PARVB: variants seen among roughly 807,000 people sequenced by gnomAD.
PARVB encodes the protein beta-parvin.
In PARVB, 46 loss-of-function variants were observed where a neutral mutation model predicts 47.0. The observed-to-expected ratio is 0.98, with a 90% CI of 0.77 to 1.25. The LOEUF is 1.25. Among genes scored for constraint, PARVB ranks in the 50% most tolerant of loss-of-function variants. The pLI, the probability that PARVB is intolerant of heterozygous loss-of-function variation, is 0.00. For synonymous variants in PARVB, 196 were observed against 196.3 expected, an observed-to-expected ratio of 1.00 and a Z score of 0.01; for missense variants, 473 against 471.6, an observed-to-expected ratio of 1.00 and a Z score of -0.03.
chr22:44,041,780 G>A (rs1011596424), intron 1 of PARVB, among the ~76,000 whole-genome samples: 1 of 152,110 alleles, frequency 6.6e-6, no homozygotes, highest in Non-Finnish European at 1.5e-5. Context: ...CAGCTACCCC[G>A]GAGGCTGAGG....
intron 1 of PARVB, among the ~76,000 whole-genome samples, chr22:44,034,742 G>A (rs577003813): frequency 2.4e-4 from 31 of 128,058 alleles, no homozygotes; most frequent in Admixed American, 2.0e-3. Context: ...ACGGAGTTTC[G>A]CTCTTGTCAC....
At chr22:44,040,003 C>A in intron 1 of PARVB, 1 of 352,306 alleles carries the variant, frequency 2.8e-6, no homozygotes, top group Non-Finnish European at 5.8e-6. Flanking sequence ...CAATGTTCTA[C>A]AGCAGACAGA....
Position 44,133,438 on chromosome 22 carries a change from C to G in PARVB, c.633+429C>G, listed in dbSNP as rs535685556. Among the ~76,000 whole-genome samples, 4 of 152,350 alleles carry G rather than the reference C, an allele frequency of 2.6e-5. No individual in the cohort carries two copies. In the East Asian group the frequency reaches 7.7e-4, roughly 29 times the overall value. Reference sequence around the variant, plus strand: ...ATCATCTCTTTTTTTGGGTTCATTTCTCTTGATTCACTTGGAGAAATGGAA... The same window carrying G: ...ATCATCTCTTTTTTTGGGTTCATTTGTCTTGATTCACTTGGAGAAATGGAA... On this transcript the variant is annotated intron_variant, in intron 6 of 12. Coordinates refer to ENST00000338758, the MANE Select transcript of PARVB (RefSeq NM_013327.5).
intron 3 of PARVB, chr22:44,104,298 C>G (rs1010350477): frequency 6.6e-6 from 1 of 152,216 alleles, no homozygotes; most frequent in Non-Finnish European, 1.5e-5. Context: ...AGACATTTTC[C>G]ACTCTTGATC....
At chr22:44,115,957 T>TGC in intron 3 of PARVB, 1 of 152,482 alleles carries the variant, frequency 6.6e-6, no homozygotes, top group African/African-American at 2.4e-5. Flanking sequence ...CCAACACAGA[T>TGC]ACATTGTTAC....
intron 7 of PARVB, among the ~76,000 whole-genome samples, chr22:44,138,801 G>A (rs1176631301): frequency 1.3e-5 from 2 of 152,172 alleles, no homozygotes; most frequent in African/African-American, 4.8e-5. Flanking sequence ...TATGAGGTCT[G>A]TCACTCCCAG....
chr22:44,143,894 C>T (rs1015408021), intron 8 of PARVB: 3 of 152,378 alleles, frequency 2.0e-5, no homozygotes, highest in African/African-American at 4.8e-5. Context: ...TCACTCTCTT[C>T]CCCCTCATTG....
chr22:44,116,013 T>C (rs72619560), intron 3 of PARVB: 51,105 of 148,892 alleles, frequency 0.34, 9,270 homozygotes, highest in African/African-American at 0.48. Context: ...TTACTAACTA[T>C]GGAGGTGCTT....
intron 2 of PARVB, among the ~76,000 whole-genome samples, chr22:44,016,317 C>G (rs980814743): frequency 3.3e-5 from 5 of 151,872 alleles, no homozygotes; most frequent in African/African-American, 9.7e-5. Flanking sequence ...AGGATGGTCT[C>G]GATCTCCTGA....
At position 44,140,153 on chromosome 22, in the gene PARVB, C is replaced by G. The variant is rs140180026; in HGVS notation, c.712+10C>G. On this transcript the variant is annotated intron_variant, in intron 8 of 12. Transcript: ENST00000338758. ...ATGATGGGCCGGTTCGGTAAGTAAC[C>G]CCAGGGAAAGTGGGGAGATGGAGGC... 6.4e-7 allele frequency: 1 copy of G among 1,552,582 alleles called. No individual in the cohort carries two copies. The highest frequency in any genetic ancestry group is 8.7e-7 in the Non-Finnish European group (1 of 1,149,762).
intron 2 of PARVB, among the ~76,000 whole-genome samples, chr22:44,017,934 G>A (rs1051750235): frequency 3.3e-5 from 5 of 152,104 alleles, no homozygotes; most frequent in East Asian, 1.9e-4. Flanking sequence ...TGCATGTCAC[G>A]TGTCACACAT....
At chr22:44,020,110 A>G (rs1410029887), upstream of PARVB, among the ~76,000 whole-genome samples, 1 of 151,364 alleles carries the variant, frequency 6.6e-6, no homozygotes, top group Non-Finnish European at 1.5e-5. Flanking sequence ...CAATTCCAGC[A>G]TGGTCCATCT....
intron 9 of PARVB, chr22:44,148,389 G>A (rs767857367): frequency 2.5e-5 from 5 of 197,184 alleles, no homozygotes; most frequent in Non-Finnish European, 5.4e-5. Context: ...TCAATCTGTG[G>A]ATGGAAAAAT....
At chr22:44,065,691 C>G (rs1440532311) in intron 1 of PARVB, among the ~76,000 whole-genome samples, 4 of 152,204 alleles carry the variant, frequency 2.6e-5, no homozygotes, top group African/African-American at 7.2e-5. Context: ...ATCCTCATAG[C>G]TTAGCTCCTG....
chr22:44,017,996 T>G (rs1476325418), intron 2 of PARVB, among the ~76,000 whole-genome samples: 2 of 152,094 alleles, frequency 1.3e-5, no homozygotes, highest in Non-Finnish European at 2.9e-5. Context: ...ATGCACCAGA[T>G]TCTCAAAGAG....
upstream of PARVB, chr22:44,024,254 C>T: frequency 4.3e-6 from 3 of 694,872 alleles, no homozygotes; most frequent in Non-Finnish European, 5.3e-6. Flanking sequence ...CGGGGGCCGG[C>T]GGCGGGGCCG....
chr22:44,140,463 G>A lies in PARVB; in HGVS notation c.712+320G>A, dbSNP rs1050905514. 4.5e-6 allele frequency: 3 copies of A among 665,202 alleles called. No individual in the cohort carries two copies. In the African/African-American group the frequency reaches 5.3e-5, roughly 12 times the overall value. The allele number at this position is 665,202 out of a possible 1,614,324, so 41.2% of individuals were successfully genotyped here. Reference sequence around the variant, plus strand: ...GGGGCTGGAGCAAGAGTGGTTGAGGGTAAAAGGGAGGGAGGAGAGGCAGCC... The same window carrying A: ...GGGGCTGGAGCAAGAGTGGTTGAGGATAAAAGGGAGGGAGGAGAGGCAGCC... On this transcript the variant is annotated intron_variant, in intron 8 of 12. Coordinates refer to ENST00000338758, the MANE Select transcript of PARVB (RefSeq NM_013327.5).
At chr22:44,164,763 G>A (rs2054130313) in intron 12 of PARVB, among the ~76,000 whole-genome samples, 1 of 152,140 alleles carries the variant, frequency 6.6e-6, no homozygotes, top group African/African-American at 2.4e-5. Flanking sequence ...TATGAGTTGG[G>A]AGCCCATGAT....
intron 1 of PARVB, among the ~76,000 whole-genome samples, chr22:44,091,701 C>G (rs80025024): frequency 0.06 from 9,092 of 152,246 alleles, 306 homozygotes; most frequent in Middle Eastern, 0.11. Context: ...CGTGGACTAC[C>G]TTTTGCTTAC....
Sources: allele counts gnomAD v4.1 joint callset (sites outside exome capture counted in the v4.1 genomes callset), GRCh38; gene constraint gnomAD v4.1.1; transcripts MANE v1.5; gene names NCBI Gene and HGNC (gene_info 2026-07-23, HGNC 2026-07-21).